PRUNE2: variants seen among roughly 807,000 people sequenced by gnomAD.
PRUNE2 encodes prune homolog 2 with BCH domain.
A neutral mutation model predicts 252.0 loss-of-function variants in PRUNE2; 164 were observed. That is an observed-to-expected ratio of 0.65 (90% CI 0.57 to 0.74). The LOEUF is 0.74. Among genes scored for constraint, PRUNE2 ranks in the 30% least tolerant of loss-of-function variants. PRUNE2 has a pLI of 0.00. For missense variants in PRUNE2, 3,495 were observed against 3,711.0 expected, an observed-to-expected ratio of 0.94 and a Z score of 1.51; for synonymous variants, 1,292 against 1,350.2, an observed-to-expected ratio of 0.96 and a Z score of 0.94.
chr9:76,672,685 G>A (rs2041753196), intron 9 of PRUNE2, among the ~76,000 whole-genome samples: 1 of 148,218 alleles, frequency 6.7e-6, no homozygotes, highest in Non-Finnish European at 1.5e-5. Flanking sequence ...TTAAAGAACA[G>A]AAATTATAAC....
chr9:76,823,558 A>T, intron 6 of PRUNE2, 74 bp downstream of exon 6: 1 of 853,198 alleles, frequency 1.2e-6, no homozygotes, highest in Non-Finnish European at 2.0e-6. Context: ...TCCAATGGAG[A>T]GAGTTACATT....
intron 1 of PRUNE2, among the ~76,000 whole-genome samples, chr9:76,877,853 G>C (rs1480439839): frequency 6.6e-6 from 1 of 152,206 alleles, no homozygotes; most frequent in Non-Finnish European, 1.5e-5. Context: ...TACCTGTTTA[G>C]TGGACAGATT....
intron 16 of PRUNE2, chr9:76,627,785 C>A: frequency 3.3e-6 from 1 of 306,386 alleles, no homozygotes; most frequent in South Asian, 2.5e-5. Flanking sequence ...CTTCCTGGTT[C>A]CTACTTATAC....
chr9:76,883,536 G>C (rs1364900859), intron 1 of PRUNE2, among the ~76,000 whole-genome samples: 2 of 152,284 alleles, frequency 1.3e-5, no homozygotes, highest in Non-Finnish European at 2.9e-5. Context: ...GTAAATTCAG[G>C]AAGCACAAAA....
chr9:76,653,382 C>A (rs866573021), intron 10 of PRUNE2, among the ~76,000 whole-genome samples: 3 of 152,140 alleles, frequency 2.0e-5, no homozygotes, highest in Non-Finnish European at 4.4e-5. Context: ...ATAACCCATG[C>A]ACATCCTTCT....
chr9:76,700,903 G>A (rs1039552739), intron 9 of PRUNE2, among the ~76,000 whole-genome samples: 8 of 152,224 alleles, frequency 5.3e-5, no homozygotes, highest in African/African-American at 1.9e-4. Flanking sequence ...TGGTCCAACA[G>A]CAAATAGCCT....
intron 9 of PRUNE2, among the ~76,000 whole-genome samples, chr9:76,693,865 C>T (rs80086072): frequency 3.9e-5 from 6 of 152,266 alleles, no homozygotes; most frequent in South Asian, 2.1e-4. Context: ...TAATTTCTCA[C>T]GTGCCATGTA....
In PRUNE2 at chr9:76,774,098, G is replaced by A. The variant is rs937419101; in HGVS notation, c.756+49534C>T. Among the ~76,000 whole-genome samples the A allele has an allele frequency of 5.9e-5, 9 of 152,052 alleles. No individual in the cohort carries two copies. In the South Asian group the frequency reaches 1.0e-3, roughly 18 times the overall value. On this transcript the variant is annotated intron_variant, in intron 6 of 18. Transcript: ENST00000376718. Reference sequence around the variant, plus strand: ...ACTTGAAAACTTGGGCAGAGTAGAGGGAAAAGAATAGGTTTGATTCTTTTT... The same window carrying A: ...ACTTGAAAACTTGGGCAGAGTAGAGAGAAAAGAATAGGTTTGATTCTTTTT...
intron 11 of PRUNE2, among the ~76,000 whole-genome samples, chr9:76,645,577 T>G (rs1449908681): frequency 1.3e-5 from 2 of 151,940 alleles, no homozygotes; most frequent in Middle Eastern, 3.2e-3. Flanking sequence ...CCCAAATTGA[T>G]GGGTGCATAA....
chr9:76,826,714 C>T lies in PRUNE2; in HGVS notation c.527G>A (p.Trp176Ter). Residue 176 changes from tryptophan (W) to a stop codon, truncating the protein, a stop_gained, in exon 5 of 19, where the codon TGG becomes TAG. Coordinates refer to ENST00000376718, the MANE Select transcript of PRUNE2 (RefSeq NM_015225.3). LOFTEE classifies it high-confidence loss of function. The part of the protein sequence containing the change: ...HRLRGSILFK[W>*]MTMESEKISE... ...GATCTTCTCTGATTCCATGGTCATC[C>T]ACTTGAAAAGAATGCTACCTGAAAG... is the stretch of plus-strand genomic sequence containing the variant. 1.2e-6 allele frequency: 2 copies of T among 1,608,666 alleles called. No homozygotes were observed. Among genetic ancestry groups the T allele is most frequent in the Non-Finnish European group, 1.7e-6 (2 of 1,177,002 alleles).
intron 1 of PRUNE2, among the ~76,000 whole-genome samples, chr9:76,889,421 A>G (rs535652766): frequency 2.0e-5 from 3 of 151,950 alleles, no homozygotes; most frequent in Non-Finnish European, 4.4e-5. Flanking sequence ...CCTAGGCTCA[A>G]GCAATCCTCT....
In PRUNE2 at chr9:76,614,643, T is replaced by C. The variant is rs530263220; in HGVS notation, c.9237-43A>G. The C allele has an allele frequency of 1.2e-5, 18 of 1,486,008 alleles. No individual in the cohort carries two copies. In the African/African-American group the frequency reaches 1.7e-4, roughly 14 times the overall value. The allele number at this position is 1,486,008 out of a possible 1,614,324, so 92.1% of individuals were successfully genotyped here. On this transcript the variant is annotated intron_variant, in intron 18 of 18. Coordinates refer to ENST00000376718, the MANE Select transcript of PRUNE2 (RefSeq NM_015225.3). The stretch of plus-strand genomic sequence containing the variant: ...AGAGAGAGAAACATGAGAAACCAAA[T>C]GAGAGACATTTAGTAATGATTTGGG...
intron 1 of PRUNE2, among the ~76,000 whole-genome samples, chr9:76,867,624 G>A (rs1287947859): frequency 2.6e-5 from 4 of 152,042 alleles, no homozygotes; most frequent in African/African-American, 7.2e-5. Context: ...GCTGGAGCGC[G>A]GTGGCACAAT....
chr9:76,836,191 C>T (rs1207091255), intron 4 of PRUNE2, among the ~76,000 whole-genome samples: 2 of 151,442 alleles, frequency 1.3e-5, no homozygotes, highest in African/African-American at 2.4e-5. Flanking sequence ...GGCAGTAGTC[C>T]TCTAGCACAC....
rs185206252 is a variant in PRUNE2, at chr9:76,614,267, C to T, written c.*303G>A. ...ATTAAAGGTATCTTACTGGTAAACA[C>T]CAGTCTAAGGGACAAAGTATCACTA... On this transcript the variant is annotated 3_prime_UTR_variant, in exon 19 of 19. Coordinates refer to ENST00000376718, the MANE Select transcript of PRUNE2 (RefSeq NM_015225.3). 1.7e-5 allele frequency: 7 copies of T among 408,140 alleles called. No homozygotes were observed. In the East Asian group the frequency reaches 3.4e-4, roughly 20 times the overall value. The allele number at this position is 408,140 out of a possible 1,614,324, so 25.3% of individuals were successfully genotyped here. A position where few individuals can be genotyped will look rare whatever the true frequency, so the allele number is the denominator to read the frequency against.
intron 6 of PRUNE2, among the ~76,000 whole-genome samples, chr9:76,760,593 T>C (rs1235683329): frequency 6.6e-6 from 1 of 152,164 alleles, no homozygotes; most frequent in Non-Finnish European, 1.5e-5. Context: ...AGATTAATCA[T>C]CCTAACTATG....
chr9:76,751,771 G>C (rs988785834), intron 6 of PRUNE2, among the ~76,000 whole-genome samples: 8 of 152,306 alleles, frequency 5.3e-5, no homozygotes, highest in Admixed American at 5.2e-4. Flanking sequence ...CAGTTATTGT[G>C]ATAGAAAAGA....
At chr9:76,638,805 C>G (rs1338449954) in intron 12 of PRUNE2, among the ~76,000 whole-genome samples, 1 of 152,206 alleles carries the variant, frequency 6.6e-6, no homozygotes, top group African/African-American at 2.4e-5. Context: ...CTCATCCACA[C>G]ACTCCAGTGA....
chr9:76,706,537 T>G lies in PRUNE2; in HGVS notation c.5737A>C (p.Arg1913=). ...TTGTCAGCATCTGGGTCTGGCTGCC[T>G]TGGTTGAATGTTCCAGAGTTGCTCA... The part of the protein sequence containing the change: ...SHEQLWNIQP[R]QPDPDADKFS... The change falls in exon 8 of 19, where the codon AGG becomes CGG. Residue 1913 remains arginine, a synonymous_variant. Coordinates refer to ENST00000376718, the MANE Select transcript of PRUNE2 (RefSeq NM_015225.3). The G allele has an allele frequency of 6.2e-7, 1 of 1,613,990 alleles. No individual in the cohort carries two copies. Among genetic ancestry groups the G allele is most frequent in the Non-Finnish European group, 8.5e-7 (1 of 1,179,886 alleles).
Sources: allele counts gnomAD v4.1 joint callset (sites outside exome capture counted in the v4.1 genomes callset), GRCh38; gene constraint gnomAD v4.1.1; transcripts MANE v1.5; gene names NCBI Gene and HGNC (gene_info 2026-07-23, HGNC 2026-07-21).